PTPRD: variants seen among roughly 807,000 people sequenced by gnomAD.
PTPRD encodes the protein protein tyrosine phosphatase receptor type D, also known as receptor-type tyrosine-protein phosphatase delta.
Under a neutral mutation model 214.5 loss-of-function variants are expected in PTPRD, and 34 were observed. That is an observed-to-expected ratio of 0.16 (90% CI 0.12 to 0.21). The LOEUF (loss-of-function observed/expected upper bound fraction) is 0.21. Among genes scored for constraint, PTPRD ranks in the 10% least tolerant of loss-of-function variants. PTPRD has a pLI of 1.00. For synonymous variants in PTPRD, 1,128 were observed against 845.7 expected (o/e 1.33, Z -5.79); for missense variants, 2,545 against 2,398.7 (o/e 1.06, Z -1.27).
chr9:9,450,950 T>TACAC (rs145703989), intron 8 of PTPRD, among the ~76,000 whole-genome samples: 34,124 of 136,388 alleles, frequency 0.25, 4,449 homozygotes, highest in East Asian at 0.36. Context: ...CATACATACA[T>TACAC]ACACACACAC....
chr9:9,888,279 G>A (rs2071750323), intron 5 of PTPRD, among the ~76,000 whole-genome samples: 1 of 152,186 alleles, frequency 6.6e-6, no homozygotes, highest in Non-Finnish European at 1.5e-5. Context: ...CAGATGAAGA[G>A]CGAGACTCTC....
chr9:10,040,119 A>G (rs2154141279), intron 3 of PTPRD, among the ~76,000 whole-genome samples: 1 of 152,176 alleles, frequency 6.6e-6, no homozygotes, highest in South Asian at 2.1e-4. Context: ...TTTGGTAGGT[A>G]ATACTCTATC....
chr9:9,861,751 AAATT>A (rs1416308052), intron 5 of PTPRD, among the ~76,000 whole-genome samples: 1 of 152,214 alleles, frequency 6.6e-6, no homozygotes, highest in East Asian at 1.9e-4. Flanking sequence ...AAAAGTAAAT[AAATT>A]CATAAAATTA....
At chr9:10,109,887 A>G (rs1198390711) in intron 3 of PTPRD, among the ~76,000 whole-genome samples, 1 of 152,120 alleles carries the variant, frequency 6.6e-6, no homozygotes, top group Non-Finnish European at 1.5e-5. Context: ...ATAAAAAGAC[A>G]AGGACAAGCA....
At chr9:10,587,377 G>A (rs905513440) in intron 2 of PTPRD, among the ~76,000 whole-genome samples, 1 of 152,092 alleles carries the variant, frequency 6.6e-6, no homozygotes, top group Non-Finnish European at 1.5e-5. Context: ...ATAATTCATT[G>A]ATTAGAGTTT....
chr9:8,479,724 A>G (rs1018139391), intron 30 of PTPRD, among the ~76,000 whole-genome samples: 1 of 152,230 alleles, frequency 6.6e-6, no homozygotes, highest in Non-Finnish European at 1.5e-5. Context: ...GGTCATTTTT[A>G]TATAAATAAA....
At chr9:9,421,581 C>T (rs1211881509) in intron 8 of PTPRD, among the ~76,000 whole-genome samples, 6 of 152,144 alleles carry the variant, frequency 3.9e-5, no homozygotes, top group Admixed American at 2.0e-4. Flanking sequence ...TAGAAATACA[C>T]CCCATGCCTC....
chr9:9,239,671 C>T (rs560562550), intron 9 of PTPRD, among the ~76,000 whole-genome samples: 2 of 152,228 alleles, frequency 1.3e-5, no homozygotes, highest in South Asian at 2.1e-4. Flanking sequence ...GGGCAGATGG[C>T]CATGGTACAG....
intron 6 of PTPRD, among the ~76,000 whole-genome samples, chr9:9,748,541 A>T (rs1301456965): frequency 6.6e-6 from 1 of 152,214 alleles, no homozygotes; most frequent in Non-Finnish European, 1.5e-5. Flanking sequence ...TTAAATAATT[A>T]TAACGACAGA....
intron 5 of PTPRD, among the ~76,000 whole-genome samples, chr9:9,922,537 G>A (rs1299485883): frequency 6.6e-6 from 1 of 151,970 alleles, no homozygotes. Flanking sequence ...GAGACCTACA[G>A]TAACAACTAA....
chr9:8,782,797 T>C (rs1184459428), intron 11 of PTPRD, among the ~76,000 whole-genome samples: 1 of 152,080 alleles, frequency 6.6e-6, no homozygotes, highest in East Asian at 1.9e-4. Flanking sequence ...GGTTTCACCA[T>C]GTTGGTCAGG....
chr9:9,493,961 G>A (rs940366823), intron 8 of PTPRD, among the ~76,000 whole-genome samples: 1 of 152,064 alleles, frequency 6.6e-6, no homozygotes, highest in Non-Finnish European at 1.5e-5. Context: ...TGTAATTCAT[G>A]AGAGAAGGCC....
In PTPRD at chr9:9,332,591, A is replaced by C. The variant is rs543322393; in HGVS notation, c.-203+64858T>G. 1.8e-3 allele frequency among the ~76,000 whole-genome samples: 251 copies of C among 141,706 alleles called. 3 individuals carry two copies. Among genetic ancestry groups the C allele is most frequent in the African/African-American group, 6.0e-3 (230 of 38,164 alleles). The allele number at this position is 141,706 out of a possible 152,430, so 93.0% of individuals were successfully genotyped here. A position where few individuals can be genotyped will look rare whatever the true frequency, so the allele number is the denominator to read the frequency against. ...ATAGAAGTAAGAAAAAAAAAAAAAA[A>C]CCTCTATACTGAGCTTGGGAGTCTC... On this transcript the variant is annotated intron_variant, in intron 9 of 45. Transcript: ENST00000381196.
At chr9:10,358,400 T>C in intron 2 of PTPRD, among the ~76,000 whole-genome samples, 1 of 151,980 alleles carries the variant, frequency 6.6e-6, no homozygotes, top group East Asian at 1.9e-4. Context: ...TTTTACATCT[T>C]ATAGGGTATT....
Position 10,464,229 on chromosome 9 carries a change from C to A in PTPRD, c.-599-123212G>T, listed in dbSNP as rs147602785. Among the ~76,000 whole-genome samples the A allele has an allele frequency of 4.8e-3, 729 of 152,040 alleles. 6 individuals are homozygous for A. The highest frequency in any genetic ancestry group is 0.017 in the African/African-American group (694 of 41,454). On this transcript the variant is annotated intron_variant, in intron 2 of 45. Transcript: ENST00000381196. ...CCTGACCAACATGGTGAAACCCCAT[C>A]TCTACTAAAAAAAAATTTTAAATGC... is the stretch of plus-strand genomic sequence containing the variant.
chr9:9,353,526 G>A (rs1362633121), intron 9 of PTPRD, among the ~76,000 whole-genome samples: 4 of 151,484 alleles, frequency 2.6e-5, no homozygotes, highest in Non-Finnish European at 4.4e-5. Context: ...TGAGTGATCT[G>A]GAAAAATGCG....
At chr9:9,614,143 A>C (rs2094708530) in intron 7 of PTPRD, among the ~76,000 whole-genome samples, 1 of 151,512 alleles carries the variant, frequency 6.6e-6, no homozygotes, top group South Asian at 2.1e-4. Context: ...ACATATATTT[A>C]TAATTATAGA....
chr9:9,693,114 TTTCTC>T (rs1010099933), intron 7 of PTPRD, among the ~76,000 whole-genome samples: 1 of 151,408 alleles, frequency 6.6e-6, no homozygotes, highest in Non-Finnish European at 1.5e-5. Context: ...CCTTTATTTC[TTTCTC>T]TTGTCTGTTT....
At chr9:9,504,091 T>C (rs1467988698) in intron 8 of PTPRD, among the ~76,000 whole-genome samples, 1 of 151,738 alleles carries the variant, frequency 6.6e-6, no homozygotes, top group African/African-American at 2.4e-5. Flanking sequence ...AATACCCTAT[T>C]CCAAAGTAAA....
Sources: allele counts gnomAD v4.1 joint callset (sites outside exome capture counted in the v4.1 genomes callset), GRCh38; gene constraint gnomAD v4.1.1; transcripts MANE v1.5; gene names NCBI Gene and HGNC (gene_info 2026-07-23, HGNC 2026-07-21).